The following DIAPH2 variants were observed in gnomAD, a reference collection of about 807,000 sequenced individuals.
DIAPH2 encodes the protein diaphanous related formin 2.
In DIAPH2, 35 loss-of-function variants were observed where a neutral mutation model predicts 92.7. The observed-to-expected ratio is 0.38, with a 90% confidence interval of 0.29 to 0.50. The LOEUF (loss-of-function observed/expected upper bound fraction) is 0.50, where lower values mean the gene tolerates loss of function less well. Ranked by LOEUF, DIAPH2 falls within the 20% of genes least tolerant of loss-of-function variation. The pLI is 0.94. For synonymous variants in DIAPH2, 301 were observed against 280.4 expected, an observed-to-expected ratio of 1.07 and a Z score of -0.73; for missense variants, 701 against 819.5, an observed-to-expected ratio of 0.86 and a Z score of 1.77.
At chrX:96,968,515 G>A (rs2065907971) in intron 17 of DIAPH2, among the ~76,000 whole-genome samples, 1 of 111,684 alleles carries the variant, frequency 9.0e-6, no homozygotes, top group Non-Finnish European at 1.9e-5. Flanking sequence ...CACCATGCCT[G>A]GCCCATATGT....
chrX:96,964,261 A>G (rs2065881589), intron 16 of DIAPH2, among the ~76,000 whole-genome samples: 1 of 112,017 alleles, frequency 8.9e-6, no homozygotes, highest in Admixed American at 9.5e-5. Context: ...ATAAGAGTAA[A>G]CTTGGAGTAA....
At chrX:97,118,146 G>GT (rs764638974) in intron 21 of DIAPH2, among the ~76,000 whole-genome samples, 1 of 111,803 alleles carries the variant, frequency 8.9e-6, no homozygotes, top group African/African-American at 3.2e-5. Flanking sequence ...AGGATATGAA[G>GT]TAACTAAGCC....
intron 1 of DIAPH2, among the ~76,000 whole-genome samples, chrX:96,727,391 C>T (rs1400945697): frequency 8.9e-6 from 1 of 112,024 alleles, no homozygotes; most frequent in Non-Finnish European, 1.9e-5. Flanking sequence ...TTTGACTATT[C>T]CTTGTGGTTT....
chrX:97,440,484 C>T (rs760075879), intron 26 of DIAPH2, among the ~76,000 whole-genome samples: 7 of 106,836 alleles, frequency 6.6e-5, no homozygotes, highest in African/African-American at 1.0e-4. Flanking sequence ...CCCAGCCACT[C>T]GGGAGGCTGA....
At chrX:97,258,731 C>T (rs923714949) in intron 23 of DIAPH2, among the ~76,000 whole-genome samples, 3 of 99,441 alleles carry the variant, frequency 3.0e-5, no homozygotes, top group African/African-American at 1.1e-4. Context: ...ATTAGCCGGT[C>T]GTGGTGGCGG....
intron 25 of DIAPH2, among the ~76,000 whole-genome samples, chrX:97,399,044 G>A (rs952077741): frequency 1.8e-5 from 2 of 111,203 alleles, no homozygotes; most frequent in African/African-American, 6.5e-5. Context: ...GCACCCGGCC[G>A]GATGTGATTT....
intron 23 of DIAPH2, among the ~76,000 whole-genome samples, chrX:97,294,633 A>T (rs2068628203): frequency 8.9e-6 from 1 of 111,925 alleles, no homozygotes; most frequent in African/African-American, 3.2e-5. Flanking sequence ...ACTTAATATA[A>T]CAATTTAGAT....
At chrX:97,389,171 A>G (rs779649163) in intron 25 of DIAPH2, among the ~76,000 whole-genome samples, 15 of 110,996 alleles carry the variant, frequency 1.4e-4, no homozygotes, top group African/African-American at 4.9e-4. Context: ...GTAAGTGGTT[A>G]AAAATGGAGC....
intron 16 of DIAPH2, among the ~76,000 whole-genome samples, chrX:96,961,213 T>C (rs2065845067): frequency 1.8e-5 from 2 of 110,917 alleles, no homozygotes; most frequent in African/African-American, 3.3e-5. Context: ...TCATTAGTCC[T>C]GGGGCTTTTC....
intron 26 of DIAPH2, among the ~76,000 whole-genome samples, chrX:97,500,800 A>G (rs960898026): frequency 7.9e-5 from 6 of 75,497 alleles, no homozygotes; most frequent in African/African-American, 2.9e-4. Flanking sequence ...ATATATATAT[A>G]TATCCTTGCA....
chrX:96,969,139 A>G (rs1569438284), intron 17 of DIAPH2, among the ~76,000 whole-genome samples: 1 of 112,086 alleles, frequency 8.9e-6, no homozygotes. Flanking sequence ...CTTGTAATAT[A>G]GTTTGAAGGC....
chrX:96,945,418 G>C, intron 13 of DIAPH2, 109 bp from the exon 14 acceptor site: 1 of 505,670 alleles, frequency 2.0e-6, no homozygotes, highest in Non-Finnish European at 3.3e-6. Context: ...ATTTAATAAG[G>C]GTTGACATAA....
intron 1 of DIAPH2, among the ~76,000 whole-genome samples, chrX:96,688,828 A>G (rs1158723892): frequency 9.0e-6 from 1 of 111,727 alleles, no homozygotes; most frequent in Non-Finnish European, 1.9e-5. Context: ...GCTTGTGCCT[A>G]TAATCCCAGC....
chrX:97,330,057 CAT>C (rs1357173707), intron 23 of DIAPH2, among the ~76,000 whole-genome samples: 1 of 100,322 alleles, frequency 1.0e-5, no homozygotes, highest in East Asian at 3.2e-4. Context: ...ACTACTCAAA[CAT>C]AGAAATAAAA....
At chrX:97,093,152 C>T (rs2066838544) in intron 19 of DIAPH2, among the ~76,000 whole-genome samples, 1 of 100,648 alleles carries the variant, frequency 9.9e-6, no homozygotes, top group Non-Finnish European at 2.0e-5. Context: ...TGTGCTACTG[C>T]ACTCCAGCCT....
At chrX:96,935,812 A>G (rs1316998022) in intron 10 of DIAPH2, among the ~76,000 whole-genome samples, 1 of 111,764 alleles carries the variant, frequency 8.9e-6, no homozygotes, top group Non-Finnish European at 1.9e-5. Context: ...CAGTACTTAA[A>G]TTTTTCTGTT....
chrX:97,026,767 T>G lies in DIAPH2; in HGVS notation c.2051-46174T>G, dbSNP rs184627664. The stretch of plus-strand genomic sequence containing the variant: ...TCTCACATGTAGAAGATAGAGTTTT[T>G]TTTGTTTGTTTGTTTAACAAAATAT... On this transcript the variant is annotated intron_variant, in intron 17 of 26. Coordinates refer to ENST00000324765, the MANE Select transcript of DIAPH2 (RefSeq NM_006729.5). Among the ~76,000 whole-genome samples, 291 of 112,621 alleles carry G rather than the reference T, an allele frequency of 2.6e-3. 1 individual carries two copies. The highest frequency in any genetic ancestry group is 8.6e-3 in the African/African-American group (267 of 31,075).
intron 26 of DIAPH2, among the ~76,000 whole-genome samples, chrX:97,438,186 A>G (rs2070209314): frequency 9.3e-6 from 1 of 107,583 alleles, no homozygotes; most frequent in Non-Finnish European, 1.9e-5. Flanking sequence ...GAATTTCAGA[A>G]TGGAGAATTA....
intron 19 of DIAPH2, among the ~76,000 whole-genome samples, chrX:97,078,394 G>A (rs902162891): frequency 8.1e-5 from 9 of 111,560 alleles, no homozygotes; most frequent in African/African-American, 2.9e-4. Flanking sequence ...GAACTTGTAT[G>A]CGAAGAATAT....
Sources: gnomAD v4.1 joint callset for allele counts (sites outside exome capture counted in the v4.1 genomes callset) on GRCh38, gnomAD v4.1.1 for gene constraint, MANE v1.5 for transcripts, NCBI Gene and HGNC (gene_info 2026-07-23, HGNC 2026-07-21) for gene names.